Variants in CSMD1 observed in about 807,000 individuals in gnomAD.
CSMD1 encodes the protein CUB and sushi domain-containing protein 1.
A neutral mutation model predicts 417.5 loss-of-function variants in CSMD1; 213 were observed. That is an observed-to-expected ratio of 0.51 (90% CI 0.46 to 0.57). The LOEUF (loss-of-function observed/expected upper bound fraction) is 0.57, where lower values mean the gene tolerates loss of function less well. CSMD1 is among the 20% of genes least tolerant of loss of function. The pLI is 0.00. For synonymous variants in CSMD1, 2,862 were observed against 1,736.8 expected (o/e 1.65, Z -16.11); for missense variants, 6,923 against 4,529.7 (o/e 1.53, Z -15.17).
At chr8:4,454,802 G>T (rs1303590445) in intron 2 of CSMD1, among the ~76,000 whole-genome samples, 1 of 152,196 alleles carries the variant, frequency 6.6e-6, no homozygotes, top group Admixed American at 6.5e-5. Context: ...ACAACTAGAA[G>T]TGAAAATTAT....
At chr8:3,673,752 T>G (rs1018017460) in intron 7 of CSMD1, among the ~76,000 whole-genome samples, 1 of 152,166 alleles carries the variant, frequency 6.6e-6, no homozygotes, top group African/African-American at 2.4e-5. Context: ...TTGGAGCTAT[T>G]CCCTCAAGCA....
At chr8:3,409,087 A>T (rs1288610819) in intron 13 of CSMD1, among the ~76,000 whole-genome samples, 1 of 152,180 alleles carries the variant, frequency 6.6e-6, no homozygotes, top group African/African-American at 2.4e-5. Context: ...TTATTAAGTC[A>T]CAAAGGACTC....
intron 1 of CSMD1, among the ~76,000 whole-genome samples, chr8:4,847,447 G>C (rs542183105): frequency 6.6e-6 from 1 of 152,116 alleles, no homozygotes; most frequent in South Asian, 2.1e-4. Flanking sequence ...AAATTGTGTA[G>C]ATTGTACAGA....
intron 1 of CSMD1, among the ~76,000 whole-genome samples, chr8:4,928,209 G>T (rs1225097413): frequency 1.3e-5 from 2 of 152,084 alleles, no homozygotes; most frequent in African/African-American, 4.8e-5. Context: ...CCAAGAAGCT[G>T]ACCAGCATGT....
intron 5 of CSMD1, among the ~76,000 whole-genome samples, chr8:3,842,946 T>C (rs1352170927): frequency 6.6e-6 from 1 of 152,152 alleles, no homozygotes; most frequent in Non-Finnish European, 1.5e-5. Flanking sequence ...GAATTGAAAC[T>C]ACAAAAAGTC....
chr8:4,177,209 A>C (rs982071971), intron 3 of CSMD1, among the ~76,000 whole-genome samples: 1 of 152,208 alleles, frequency 6.6e-6, no homozygotes, highest in Non-Finnish European at 1.5e-5. Flanking sequence ...ATGTAAAAGA[A>C]GAGAAATTAT....
intron 2 of CSMD1, among the ~76,000 whole-genome samples, chr8:4,437,359 C>T (rs1365546808): frequency 1.3e-5 from 2 of 152,078 alleles, no homozygotes; most frequent in Admixed American, 1.3e-4. Context: ...TAAGGTATTG[C>T]TAACATCCTT....
chr8:3,251,641 C>A (rs566747541), intron 26 of CSMD1, among the ~76,000 whole-genome samples: 74 of 152,148 alleles, frequency 4.9e-4, no homozygotes, highest in African/African-American at 1.7e-3. Flanking sequence ...TTGAATCTAT[C>A]AATTACCTTG....
chr8:4,049,862 T>G (rs1478718563), intron 3 of CSMD1, among the ~76,000 whole-genome samples: 1 of 151,988 alleles, frequency 6.6e-6, no homozygotes, highest in Admixed American at 6.6e-5. Flanking sequence ...TTCACTAAAG[T>G]CTTATTGAAT....
chr8:3,295,744 C>G (rs1001247843), intron 25 of CSMD1, among the ~76,000 whole-genome samples: 32 of 152,250 alleles, frequency 2.1e-4, no homozygotes, highest in Non-Finnish European at 3.5e-4. Flanking sequence ...TACCGTCAGA[C>G]TAAGAGTTCT....
intron 1 of CSMD1, among the ~76,000 whole-genome samples, chr8:4,638,313 T>C (rs1377069679): frequency 6.6e-6 from 1 of 152,032 alleles, no homozygotes; most frequent in Admixed American, 6.6e-5. Flanking sequence ...CTGCAATATG[T>C]GGTAATAAGA....
intron 5 of CSMD1, among the ~76,000 whole-genome samples, chr8:3,871,105 G>A (rs1364335733): frequency 6.6e-6 from 1 of 151,818 alleles, no homozygotes; most frequent in Non-Finnish European, 1.5e-5. Flanking sequence ...CCTATTAATA[G>A]ACATCTAGAA....
intron 3 of CSMD1, among the ~76,000 whole-genome samples, chr8:4,055,961 C>A (rs1445762358): frequency 6.6e-6 from 1 of 151,928 alleles, no homozygotes; most frequent in Non-Finnish European, 1.5e-5. Flanking sequence ...TGAAACACAC[C>A]CTACCTGAGT....
At chr8:3,634,455 C>T (rs369979833) in intron 7 of CSMD1, among the ~76,000 whole-genome samples, 4 of 152,188 alleles carry the variant, frequency 2.6e-5, no homozygotes, top group African/African-American at 9.7e-5. Context: ...AGAATTAATG[C>T]TGTCGGCACA....
chr8:3,431,109 C>A (rs1814192917), intron 12 of CSMD1, among the ~76,000 whole-genome samples: 1 of 152,010 alleles, frequency 6.6e-6, no homozygotes, highest in Non-Finnish European at 1.5e-5. Context: ...GTAAGGAGCC[C>A]ATGAGAAAAT....
chr8:4,435,367 G>A (rs1343780354), intron 2 of CSMD1, among the ~76,000 whole-genome samples: 1 of 152,132 alleles, frequency 6.6e-6, no homozygotes, highest in Non-Finnish European at 1.5e-5. Flanking sequence ...ATTATTAGGA[G>A]AAAACTCAGA....
At chr8:4,108,125 A>T (rs2130901763) in intron 3 of CSMD1, among the ~76,000 whole-genome samples, 1 of 151,938 alleles carries the variant, frequency 6.6e-6, no homozygotes, top group Non-Finnish European at 1.5e-5. Context: ...GAGGAGGAGG[A>T]GGGTAGGGAA....
chr8:4,716,934 A>G (rs1044353116), intron 1 of CSMD1, among the ~76,000 whole-genome samples: 4 of 152,182 alleles, frequency 2.6e-5, no homozygotes, highest in African/African-American at 2.4e-5. Context: ...ATGAGATCCA[A>G]TAGGTTAAAA....
chr8:3,660,333 T>C (rs1320369350), intron 7 of CSMD1, among the ~76,000 whole-genome samples: 1 of 152,130 alleles, frequency 6.6e-6, no homozygotes, highest in African/African-American at 2.4e-5. Context: ...ACAGGATTAT[T>C]GACAGGACTG....
Sources: gnomAD v4.1 joint callset for allele counts (sites outside exome capture counted in the v4.1 genomes callset) on GRCh38, gnomAD v4.1.1 for gene constraint, MANE v1.5 for transcripts, NCBI Gene and HGNC (gene_info 2026-07-23, HGNC 2026-07-21) for gene names.